Variants in NDUFAF6 observed in about 807,000 individuals in gnomAD.
NDUFAF6 encodes the protein NADH dehydrogenase (ubiquinone) complex I, assembly factor 6.
A neutral mutation model predicts 40.8 loss-of-function variants in NDUFAF6; 45 were observed. That is an observed-to-expected ratio of 1.10 (90% confidence interval 0.87 to 1.42). The LOEUF is 1.42. NDUFAF6 is among the 40% of genes most tolerant of loss of function. NDUFAF6 has a pLI of 0.00. For missense variants in NDUFAF6, 435 were observed against 418.5 expected (o/e 1.04, Z -0.34); for synonymous variants, 185 against 155.9 (o/e 1.19, Z -1.39).
At chr8:95,054,421 A>G (rs1441484175) in intron 8 of NDUFAF6, among the ~76,000 whole-genome samples, 2 of 142,564 alleles carry the variant, frequency 1.4e-5, no homozygotes, top group Non-Finnish European at 3.0e-5. Flanking sequence ...GGTGGGGCCC[A>G]GTTCTCAGCT....
intron 4 of NDUFAF6, among the ~76,000 whole-genome samples, chr8:95,043,327 G>C (rs1409260127): frequency 6.6e-6 from 1 of 151,530 alleles, no homozygotes; most frequent in African/African-American, 2.4e-5. Context: ...CTGACCTCGT[G>C]ATCCACCCGC....
At chr8:94,994,884 T>G (rs958461551) in intron 2 of NDUFAF6, among the ~76,000 whole-genome samples, 1 of 152,140 alleles carries the variant, frequency 6.6e-6, no homozygotes, top group African/African-American at 2.4e-5. Flanking sequence ...TGGACCCTTA[T>G]TCTGTGTAAA....
At chr8:95,113,414 C>T (rs1810050675) in intron 4 of NDUFAF6, among the ~76,000 whole-genome samples, 1 of 152,166 alleles carries the variant, frequency 6.6e-6, no homozygotes, top group South Asian at 2.1e-4. Flanking sequence ...CAACTCTGCG[C>T]CATCCCCATC....
At chr8:95,116,921 T>C (rs111476065), downstream of NDUFAF6, among the ~76,000 whole-genome samples, 76 of 152,348 alleles carry the variant, frequency 5.0e-4, no homozygotes, top group African/African-American at 1.7e-3. Context: ...TGGCTTCCAC[T>C]GTATGAACTG....
intron 2 of NDUFAF6, among the ~76,000 whole-genome samples, chr8:95,001,464 T>C (rs1826731873): frequency 6.6e-6 from 1 of 152,128 alleles, no homozygotes; most frequent in Admixed American, 6.5e-5. Context: ...AACTTGACAT[T>C]GCCATATTTC....
intron 2 of NDUFAF6, among the ~76,000 whole-genome samples, chr8:95,012,587 C>T (rs1311585704): frequency 6.6e-6 from 1 of 151,990 alleles, no homozygotes; most frequent in African/African-American, 2.4e-5. Flanking sequence ...AGGCAGGTGG[C>T]TCTCTTGAGG....
At chr8:95,028,466 T>G (rs949293957) in intron 1 of NDUFAF6, among the ~76,000 whole-genome samples, 2 of 152,218 alleles carry the variant, frequency 1.3e-5, no homozygotes, top group Non-Finnish European at 2.9e-5. Flanking sequence ...ATATCATGTT[T>G]AATGTGGTGA....
chr8:94,907,829 A>G (rs1259059607), intron 1 of NDUFAF6, among the ~76,000 whole-genome samples: 1 of 152,100 alleles, frequency 6.6e-6, no homozygotes, highest in African/African-American at 2.4e-5. Flanking sequence ...GTCCTGTGAC[A>G]CATCCCTCAG....
At chr8:95,039,909 G>A (rs1322127281) in intron 3 of NDUFAF6, among the ~76,000 whole-genome samples, 9 of 152,214 alleles carry the variant, frequency 5.9e-5, no homozygotes, top group East Asian at 1.9e-4. Context: ...GATTATAGGC[G>A]TGAGTCACTG....
At chr8:94,935,940 G>C (rs562905671) in intron 1 of NDUFAF6, among the ~76,000 whole-genome samples, 1 of 152,310 alleles carries the variant, frequency 6.6e-6, no homozygotes, top group South Asian at 2.1e-4. Context: ...AACTGGACAT[G>C]CTAAATGGGG....
chr8:94,942,799 C>T (rs1286903150), intron 1 of NDUFAF6, among the ~76,000 whole-genome samples: 2 of 152,142 alleles, frequency 1.3e-5, no homozygotes, highest in Non-Finnish European at 2.9e-5. Flanking sequence ...GGCAAAGGAA[C>T]ACTATGGAAG....
chr8:94,942,848 T>C, intron 1 of NDUFAF6, among the ~76,000 whole-genome samples: 1 of 152,100 alleles, frequency 6.6e-6, no homozygotes, highest in Non-Finnish European at 1.5e-5. Flanking sequence ...TCAGTACCGC[T>C]CAAGGTCCAG....
At chr8:94,905,918 G>T (rs1489274150) in intron 1 of NDUFAF6, among the ~76,000 whole-genome samples, 1 of 152,178 alleles carries the variant, frequency 6.6e-6, no homozygotes, top group African/African-American at 2.4e-5. Flanking sequence ...TGTAAACTTT[G>T]TCACTTCCTC....
chr8:94,923,317 T>C (rs1188200507), intron 1 of NDUFAF6, among the ~76,000 whole-genome samples: 1 of 152,338 alleles, frequency 6.6e-6, no homozygotes, highest in South Asian at 2.1e-4. Flanking sequence ...TTTTGGATGA[T>C]AGAAATGTTC....
At chr8:94,969,185 TAA>T (rs1258571615) in intron 1 of NDUFAF6, among the ~76,000 whole-genome samples, 2 of 151,668 alleles carry the variant, frequency 1.3e-5, no homozygotes, top group African/African-American at 4.9e-5. Flanking sequence ...ACCTAGGGAG[TAA>T]GTATTAATGG....
intron 1 of NDUFAF6, among the ~76,000 whole-genome samples, chr8:95,026,214 TC>T (rs1257024318): frequency 6.6e-6 from 1 of 152,176 alleles, no homozygotes; most frequent in Non-Finnish European, 1.5e-5. Context: ...ACGCCTGTAA[TC>T]TCCGCACTTT....
At chr8:94,918,679 A>C (rs1382303534) in intron 1 of NDUFAF6, among the ~76,000 whole-genome samples, 11 of 152,134 alleles carry the variant, frequency 7.2e-5, no homozygotes, top group Non-Finnish European at 2.9e-5. Context: ...CCCCAGGTTC[A>C]CCCAAACTGG....
intron 2 of NDUFAF6, among the ~76,000 whole-genome samples, chr8:94,990,518 C>T (rs538534500): frequency 6.6e-6 from 1 of 151,940 alleles, no homozygotes; most frequent in Non-Finnish European, 1.5e-5. Context: ...TTCACTAAAC[C>T]TTTCCAAAAA....
At chr8:94,910,808 G>A (rs1054043757) in intron 1 of NDUFAF6, among the ~76,000 whole-genome samples, 3 of 152,162 alleles carry the variant, frequency 2.0e-5, no homozygotes, top group Admixed American at 1.3e-4. Context: ...AGCTTTGTTT[G>A]TAATAGCAAA....
Sources: allele counts gnomAD v4.1 joint callset (sites outside exome capture counted in the v4.1 genomes callset), GRCh38; gene constraint gnomAD v4.1.1; transcripts MANE v1.5; gene names NCBI Gene and HGNC (gene_info 2026-07-23, HGNC 2026-07-21).